The following NTNG1 variants were observed in gnomAD, a reference collection of about 807,000 sequenced individuals.
The protein encoded by NTNG1 is netrin-G1.
Under a neutral mutation model 54.0 loss-of-function variants are expected in NTNG1, and 16 were observed. That is an observed-to-expected ratio of 0.30 (90% CI 0.20 to 0.45). The LOEUF (loss-of-function observed/expected upper bound fraction) is 0.45. Among genes scored for constraint, NTNG1 ranks in the 20% least tolerant of loss-of-function variants. The pLI, the probability that NTNG1 is intolerant of heterozygous loss-of-function variation, is 1.00. For synonymous variants in NTNG1, 255 were observed against 263.1 expected, an observed-to-expected ratio of 0.97 and a Z score of 0.30; for missense variants, 530 against 678.7, an observed-to-expected ratio of 0.78 and a Z score of 2.43.
chr1:107,418,705 TA>T (rs954884756), intron 5 of NTNG1: 15 of 1,065,250 alleles, frequency 1.4e-5, no homozygotes, highest in Admixed American at 2.3e-5. Flanking sequence ...GAAAATCCTA[TA>T]TGCCATTTTT....
chr1:107,340,868 A>G (rs1442526686), intron 3 of NTNG1, among the ~76,000 whole-genome samples: 1 of 152,098 alleles, frequency 6.6e-6, no homozygotes, highest in Non-Finnish European at 1.5e-5. Context: ...CATAAAATAT[A>G]CAAATGCTAC....
intron 2 of NTNG1, among the ~76,000 whole-genome samples, chr1:107,211,126 A>G (rs1477795616): frequency 6.6e-6 from 1 of 152,184 alleles, no homozygotes; most frequent in Non-Finnish European, 1.5e-5. Context: ...TTCTAAACCT[A>G]GTGCTTCTTA....
At chr1:107,227,886 G>A (rs1285899588) in intron 2 of NTNG1, among the ~76,000 whole-genome samples, 1 of 152,090 alleles carries the variant, frequency 6.6e-6, no homozygotes, top group Non-Finnish European at 1.5e-5. Context: ...TGTTTTATAT[G>A]AAACCTCCCA....
chr1:107,460,004 G>A (rs890278483), intron 7 of NTNG1, among the ~76,000 whole-genome samples: 10 of 151,498 alleles, frequency 6.6e-5, no homozygotes, highest in African/African-American at 1.7e-4. Flanking sequence ...CTTTTTTTTC[G>A]CCTAATTTCT....
intron 7 of NTNG1, among the ~76,000 whole-genome samples, chr1:107,479,074 G>A (rs1330492900): frequency 6.6e-6 from 1 of 152,208 alleles, no homozygotes; most frequent in Non-Finnish European, 1.5e-5. Flanking sequence ...GGCCTTAATA[G>A]TCACTTCTGA....
At chr1:107,209,867 C>T (rs768056957) in intron 2 of NTNG1, among the ~76,000 whole-genome samples, 4 of 151,330 alleles carry the variant, frequency 2.6e-5, no homozygotes, top group Admixed American at 6.6e-5. Flanking sequence ...GGTCCATCAC[C>T]GTTCTTTCTG....
At chr1:107,287,822 G>T (rs897019283) in intron 2 of NTNG1, among the ~76,000 whole-genome samples, 3 of 152,070 alleles carry the variant, frequency 2.0e-5, no homozygotes, top group African/African-American at 7.2e-5. Context: ...GTTGTAAAAT[G>T]GGTACAATAC....
intron 3 of NTNG1, among the ~76,000 whole-genome samples, chr1:107,388,565 T>C (rs1325976601): frequency 6.6e-6 from 1 of 152,210 alleles, no homozygotes; most frequent in Non-Finnish European, 1.5e-5. Flanking sequence ...TGAAACAATA[T>C]GTGAAAAATG....
chr1:107,429,165 ACTGG>A (rs1433365146), intron 5 of NTNG1, among the ~76,000 whole-genome samples: 1 of 152,048 alleles, frequency 6.6e-6, no homozygotes, highest in Non-Finnish European at 1.5e-5. Flanking sequence ...TCTTTTAGCA[ACTGG>A]GGTCCCGAAG....
intron 2 of NTNG1, among the ~76,000 whole-genome samples, chr1:107,152,009 T>C (rs1469341580): frequency 2.6e-5 from 4 of 151,580 alleles, no homozygotes; most frequent in African/African-American, 4.9e-5. Flanking sequence ...CATATATATA[T>C]ACACACACAT....
chr1:107,435,757 C>T (rs1415279022), intron 6 of NTNG1, among the ~76,000 whole-genome samples: 3 of 152,234 alleles, frequency 2.0e-5, no homozygotes, highest in African/African-American at 7.2e-5. Context: ...ACAATAACTT[C>T]CTCAAAAGTA....
At chr1:107,480,547 C>T (rs1327077024) in intron 7 of NTNG1, 64 bp from the exon 8 acceptor site, 25 of 982,784 alleles carry the variant, frequency 2.5e-5, no homozygotes, top group Non-Finnish European at 3.2e-5. Flanking sequence ...ACCAGATGAA[C>T]TTCAATTGAT....
At chr1:107,417,259 C>T (rs1674277935) in intron 5 of NTNG1, among the ~76,000 whole-genome samples, 1 of 152,058 alleles carries the variant, frequency 6.6e-6, no homozygotes, top group South Asian at 2.1e-4. Flanking sequence ...TCAAGATTGC[C>T]TTTGCCTTTG....
chr1:107,224,564 A>G (rs1351895738), intron 2 of NTNG1, among the ~76,000 whole-genome samples: 2 of 152,100 alleles, frequency 1.3e-5, no homozygotes, highest in African/African-American at 2.4e-5. Flanking sequence ...GATCACAGTC[A>G]TCTGAGAAGA....
At chr1:107,278,705 C>T (rs1393986518) in intron 2 of NTNG1, among the ~76,000 whole-genome samples, 1 of 152,064 alleles carries the variant, frequency 6.6e-6, no homozygotes, top group African/African-American at 2.4e-5. Context: ...ATAATGGGTG[C>T]AGCATTATTT....
intron 7 of NTNG1, among the ~76,000 whole-genome samples, chr1:107,455,968 G>A (rs138725093): frequency 2.2e-4 from 34 of 152,282 alleles, no homozygotes; most frequent in South Asian, 1.5e-3. Context: ...TGAAAACATG[G>A]AGAGGTGCCA....
intron 2 of NTNG1, among the ~76,000 whole-genome samples, chr1:107,190,021 A>T (rs1296479541): frequency 1.3e-5 from 2 of 152,166 alleles, no homozygotes. Flanking sequence ...TACAATATGG[A>T]TGAATCTTGA....
chr1:107,407,308 A>G (rs1250788000), intron 4 of NTNG1, among the ~76,000 whole-genome samples: 1 of 152,164 alleles, frequency 6.6e-6, no homozygotes, highest in African/African-American at 2.4e-5. Flanking sequence ...CTGTACCCAT[A>G]ACTTAAGCCT....
intron 4 of NTNG1, 126 bp from the exon 5 acceptor site, chr1:107,407,556 G>A: frequency 1.5e-6 from 1 of 683,704 alleles, no homozygotes; most frequent in South Asian, 1.9e-5. Flanking sequence ...TTTTGTGTGT[G>A]TGCTAATTTC....
Sources: gnomAD v4.1 joint callset for allele counts (sites outside exome capture counted in the v4.1 genomes callset) on GRCh38, gnomAD v4.1.1 for gene constraint, MANE v1.5 for transcripts, NCBI Gene and HGNC (gene_info 2026-07-23, HGNC 2026-07-21) for gene names.